Variants in LIMK2 observed in about 807,000 individuals in gnomAD.
LIMK2 encodes the protein LIM domain kinase 2.
LIMK2 carries 35 observed loss-of-function variants against 75.7 expected under a neutral mutation model. That is an observed-to-expected ratio of 0.46 (90% CI 0.35 to 0.61). LIMK2 has a LOEUF of 0.61. Among genes scored for constraint, LIMK2 ranks in the 20% least tolerant of loss-of-function variants. LIMK2 has a pLI of 0.00. For synonymous variants in LIMK2, 301 were observed against 319.2 expected, an observed-to-expected ratio of 0.94 and a Z score of 0.61; for missense variants, 623 against 831.0, an observed-to-expected ratio of 0.75 and a Z score of 3.08.
intron 2 of LIMK2, among the ~76,000 whole-genome samples, chr22:31,245,897 G>A (rs922887051): frequency 6.6e-6 from 1 of 151,896 alleles, no homozygotes; most frequent in Admixed American, 6.6e-5. Flanking sequence ...CCAGGGCCGG[G>A]CGCAGTGGCT....
At chr22:31,245,133 G>A (rs1045097925) in intron 2 of LIMK2, among the ~76,000 whole-genome samples, 1 of 152,138 alleles carries the variant, frequency 6.6e-6, no homozygotes, top group Non-Finnish European at 1.5e-5. Context: ...GCTAGAGTGT[G>A]GTGTCTTCGT....
At chr22:31,234,980 C>G (rs2123790527) in intron 2 of LIMK2, among the ~76,000 whole-genome samples, 1 of 152,252 alleles carries the variant, frequency 6.6e-6, no homozygotes, top group South Asian at 2.1e-4. Context: ...AGTAATTCCT[C>G]ACCCTGAAAA....
chr22:31,257,969 A>G (rs1179017787), intron 2 of LIMK2, among the ~76,000 whole-genome samples: 2 of 152,092 alleles, frequency 1.3e-5, no homozygotes, highest in Non-Finnish European at 2.9e-5. Context: ...CCTAAATTAT[A>G]TACACATCTT....
intron 14 of LIMK2, among the ~76,000 whole-genome samples, chr22:31,273,833 G>C (rs1479354520): frequency 6.6e-6 from 1 of 151,956 alleles, no homozygotes; most frequent in Non-Finnish European, 1.5e-5. Flanking sequence ...AAGTAGCTGG[G>C]ACTACCGGCA....
chr22:31,220,698 C>T (rs940066155), intron 1 of LIMK2, among the ~76,000 whole-genome samples: 2 of 152,368 alleles, frequency 1.3e-5, no homozygotes, highest in East Asian at 3.9e-4. Flanking sequence ...AGCAGTGGCT[C>T]ACGCCTGTAA....
At chr22:31,267,557 G>A (rs2048908409) in intron 9 of LIMK2, among the ~76,000 whole-genome samples, 1 of 152,162 alleles carries the variant, frequency 6.6e-6, no homozygotes, top group Non-Finnish European at 1.5e-5. Flanking sequence ...TCCCACCCCA[G>A]TTCTCCCAAT....
chr22:31,271,792 C>T (rs1173072482), intron 12 of LIMK2, among the ~76,000 whole-genome samples: 1 of 152,212 alleles, frequency 6.6e-6, no homozygotes, highest in Non-Finnish European at 1.5e-5. Context: ...TTGTCTCCCC[C>T]AAGTCTCCCC....
chr22:31,228,187 C>G (rs145876114), intron 2 of LIMK2, among the ~76,000 whole-genome samples: 3,180 of 152,186 alleles, frequency 0.021, 108 homozygotes, highest in African/African-American at 0.072. Context: ...GAGGCCAAGG[C>G]AGGTGGATCA....
intron 2 of LIMK2, among the ~76,000 whole-genome samples, chr22:31,230,469 G>A (rs2048517927): frequency 6.6e-6 from 1 of 152,156 alleles, no homozygotes; most frequent in Non-Finnish European, 1.5e-5. Context: ...GGGAAGAAAA[G>A]CTACCCCTAT....
intron 2 of LIMK2, among the ~76,000 whole-genome samples, chr22:31,246,183 G>GCACGCACACACACACACACACACACACA (rs1555886279): frequency 1.5e-5 from 2 of 134,994 alleles, no homozygotes; most frequent in Non-Finnish European, 3.2e-5. Context: ...ACGCACGCAC[G>GCACGCACACACACACACACACACACACA]CACACACACA....
At position 31,264,990 on chromosome 22, in the gene LIMK2, G is replaced by A. The variant is rs112046172; in HGVS notation, c.855-956G>A. Among the ~76,000 whole-genome samples, 1,162 of 151,792 alleles carry A rather than the reference G, an allele frequency of 7.7e-3. 21 individuals are homozygous for A. The highest frequency in any genetic ancestry group is 0.026 in the African/African-American group (1,086 of 41,370). On this transcript the variant is annotated intron_variant, in intron 7 of 15. Transcript: ENST00000331728. ...AGATGGATCGCGAGATCAGGAGTTC[G>A]AGACCAACCTAGCCAACATGGTGAA...
intron 2 of LIMK2, among the ~76,000 whole-genome samples, chr22:31,251,097 A>C (rs1400530909): frequency 6.6e-6 from 1 of 152,230 alleles, no homozygotes; most frequent in East Asian, 1.9e-4. Context: ...TTCCTACCAC[A>C]CTAGCGTGAG....
At chr22:31,234,582 G>A (rs547881706) in intron 2 of LIMK2, among the ~76,000 whole-genome samples, 2 of 151,520 alleles carry the variant, frequency 1.3e-5, no homozygotes, top group Admixed American at 6.6e-5. Flanking sequence ...TTAGCTGGTC[G>A]TGGTGGCGTG....
chr22:31,233,225 T>C (rs2048543750), intron 2 of LIMK2, among the ~76,000 whole-genome samples: 1 of 152,194 alleles, frequency 6.6e-6, no homozygotes, highest in Non-Finnish European at 1.5e-5. Context: ...AGTTTCCTTG[T>C]CTATGAAAAG....
At chr22:31,258,563 T>C (rs2048808167) in intron 3 of LIMK2, 137 bp downstream of exon 3, 1 of 847,432 alleles carries the variant, frequency 1.2e-6, no homozygotes, top group Non-Finnish European at 1.8e-6. Flanking sequence ...TTCATTCAAC[T>C]AGCAGGTATC....
intron 2 of LIMK2, among the ~76,000 whole-genome samples, chr22:31,229,311 G>T (rs1427434194): frequency 6.6e-6 from 1 of 152,146 alleles, no homozygotes; most frequent in East Asian, 1.9e-4. Context: ...CTGGTAATTT[G>T]CCCTGGGGAG....
chr22:31,232,265 A>AG (rs1004327635), intron 2 of LIMK2, among the ~76,000 whole-genome samples: 1 of 151,820 alleles, frequency 6.6e-6, no homozygotes, highest in Admixed American at 6.6e-5. Flanking sequence ...AAAAAAAAAA[A>AG]AAAACAGTAG....
intron 4 of LIMK2, 124 bp from the exon 5 acceptor site, chr22:31,259,765 C>A: frequency 1.3e-6 from 1 of 784,498 alleles, no homozygotes; most frequent in Non-Finnish European, 1.9e-6. Context: ...CAGCTAGAAT[C>A]ATGACAAAGA....
rs113642120 is a variant in LIMK2 at position 31,275,973 on chromosome 22, C to A, written c.1772+665C>A. ...GAATCTGGCTGGGCGCGATGGCTCA[C>A]ACCTGTAATCCCAGCACTTTGGGAG... On this transcript the variant is annotated intron_variant, in intron 15 of 15. Transcript: ENST00000331728. Among the ~76,000 whole-genome samples the A allele has an allele frequency of 4.0e-3, 606 of 152,300 alleles. 2 individuals are homozygous for A. Among genetic ancestry groups the A allele is most frequent in the African/African-American group, 0.014 (561 of 41,552 alleles).
Sources: gnomAD v4.1 joint callset for allele counts (sites outside exome capture counted in the v4.1 genomes callset) on GRCh38, gnomAD v4.1.1 for gene constraint, MANE v1.5 for transcripts, NCBI Gene and HGNC (gene_info 2026-07-23, HGNC 2026-07-21) for gene names.